The following SYT16 variants were observed in gnomAD, a reference collection of about 807,000 sequenced individuals.
SYT16 encodes synaptotagmin 16, also known as synaptotagmin-16.
Under a neutral mutation model 61.4 loss-of-function variants are expected in SYT16, and 42 were observed. The observed-to-expected ratio is 0.68, with a 90% CI of 0.53 to 0.89. SYT16 has a LOEUF of 0.89. SYT16 is among the 40% of genes least tolerant of loss of function. The probability of loss-of-function intolerance (pLI) is 0.00; values close to 1 mark genes in which losing one functional copy is unlikely to be tolerated. For missense variants in SYT16, 804 were observed against 807.3 expected (o/e 1.00, Z 0.05); for synonymous variants, 314 against 302.3 (o/e 1.04, Z -0.40).
At chr14:61,973,499 T>C (rs2051651987) in intron 2 of SYT16, among the ~76,000 whole-genome samples, 1 of 152,094 alleles carries the variant, frequency 6.6e-6, no homozygotes, top group African/African-American at 2.4e-5. Flanking sequence ...TGGGGAAGGA[T>C]GGATATCAGT....
chr14:61,888,243 G>A (rs907715891), intron 1 of SYT16, among the ~76,000 whole-genome samples: 11 of 150,694 alleles, frequency 7.3e-5, no homozygotes, highest in African/African-American at 2.0e-4. Context: ...TCAGCCTCCC[G>A]AGTAGCTGGG....
intron 1 of SYT16, among the ~76,000 whole-genome samples, chr14:61,883,539 T>A (rs144832314): frequency 1.3e-5 from 2 of 152,210 alleles, no homozygotes; most frequent in East Asian, 3.8e-4. Context: ...CATATCACTA[T>A]CAGCATTTTG....
chr14:62,028,655 G>A (rs982508873), intron 3 of SYT16, among the ~76,000 whole-genome samples: 1 of 152,106 alleles, frequency 6.6e-6, no homozygotes, highest in Non-Finnish European at 1.5e-5. Flanking sequence ...GCTAATTAAG[G>A]AGAACAGGTT....
intron 1 of SYT16, among the ~76,000 whole-genome samples, chr14:61,948,134 C>T (rs573442121): frequency 3.5e-4 from 54 of 152,202 alleles, no homozygotes; most frequent in African/African-American, 1.2e-3. Flanking sequence ...GCCCTAGAAG[C>T]TTTTAGGTAT....
At chr14:62,089,846 C>G (rs990314601) in intron 7 of SYT16, among the ~76,000 whole-genome samples, 3 of 152,226 alleles carry the variant, frequency 2.0e-5, no homozygotes, top group African/African-American at 2.4e-5. Flanking sequence ...TAGCAGACAT[C>G]TGAAATCCTG....
rs1418337767 is a variant in SYT16 at position 62,081,106 on chromosome 14, G to C, written c.1266G>C (p.Lys422Asn). Residue 422 changes from lysine to asparagine, a missense_variant, in exon 6 of 8, where the codon AAG becomes AAC. By Grantham distance (94) the Lys-to-Asn change is moderately conservative. Transcript: ENST00000683842. ...TCAGGGAGAAGGTCACCTTTGCCAAGCTGGAGCCCAGAGATGTGGCTGCCT... is the reference window on the plus strand; with the variant it reads ...TCAGGGAGAAGGTCACCTTTGCCAACCTGGAGCCCAGAGATGTGGCTGCCT... ...PVFREKVTFAKLEPRDVAACA... is the reference protein window; with the variant it reads ...PVFREKVTFANLEPRDVAACA... The C allele has an allele frequency of 6.2e-7, 1 of 1,613,938 alleles. No individual in the cohort carries two copies. The highest frequency in any genetic ancestry group is 8.5e-7 in the Non-Finnish European group (1 of 1,179,866).
At chr14:61,991,784 G>A (rs566437372) in intron 2 of SYT16, among the ~76,000 whole-genome samples, 5 of 152,224 alleles carry the variant, frequency 3.3e-5, no homozygotes, top group East Asian at 3.9e-4. Context: ...GGTTGTATCC[G>A]TCCTCAATAT....
chr14:61,905,876 GCCAC>G (rs2048690431), intron 1 of SYT16, among the ~76,000 whole-genome samples: 2 of 151,710 alleles, frequency 1.3e-5, no homozygotes, highest in Admixed American at 1.3e-4. Context: ...TCCTGTATCA[GCCAC>G]CCAAGTGGCT....
At chr14:62,080,352 A>G (rs183724492) in intron 5 of SYT16, among the ~76,000 whole-genome samples, 1 of 152,340 alleles carries the variant, frequency 6.6e-6, no homozygotes, top group Non-Finnish European at 1.5e-5. Flanking sequence ...TAGATTGAAA[A>G]TATACTGAAG....
At chr14:61,946,803 G>A (rs2050456011) in intron 1 of SYT16, among the ~76,000 whole-genome samples, 1 of 152,154 alleles carries the variant, frequency 6.6e-6, no homozygotes, top group Admixed American at 6.5e-5. Context: ...CATATGTTTT[G>A]AGAAATGGTT....
intron 3 of SYT16, among the ~76,000 whole-genome samples, chr14:62,013,266 G>A (rs958599100): frequency 1.3e-5 from 2 of 152,186 alleles, no homozygotes; most frequent in African/African-American, 4.8e-5. Flanking sequence ...CAAGCCACAT[G>A]TATCTGACTC....
chr14:62,071,309 C>A (rs2056290320), intron 4 of SYT16, among the ~76,000 whole-genome samples: 1 of 152,148 alleles, frequency 6.6e-6, no homozygotes, highest in Admixed American at 6.5e-5. Context: ...AGCTAATGGC[C>A]CCATTTCCCA....
At chr14:62,009,097 C>T (rs2353771) in intron 3 of SYT16, among the ~76,000 whole-genome samples, 86,732 of 151,894 alleles carry the variant, frequency 0.57, 25,951 homozygotes, top group African/African-American at 0.75. Context: ...TTGGCTTCTT[C>T]TCTCTGTCAC....
At chr14:61,820,790 G>T (rs944042378) in intron 1 of SYT16, among the ~76,000 whole-genome samples, 7 of 152,122 alleles carry the variant, frequency 4.6e-5, no homozygotes, top group African/African-American at 1.4e-4. Flanking sequence ...CCCCTTCAAT[G>T]ATGTTGATAA....
chr14:62,107,037 T>C lies in SYT16; in HGVS notation c.*6330T>C, dbSNP rs536958597. The C allele has an allele frequency of 2.6e-5, 4 of 151,990 alleles. No homozygotes were observed. Among genetic ancestry groups the C allele is most frequent in the South Asian group, 4.2e-4 (2 of 4,796 alleles). 9.4% of individuals were successfully genotyped at this position (151,990 alleles called of 1,614,324 possible). A position where few individuals can be genotyped will look rare whatever the true frequency, so the allele number is the denominator to read the frequency against. ...GATGATGAGAAGGCTGACTTCCTAT[T>C]GTATTGCCATATTTATGCATTATTT... is the stretch of plus-strand genomic sequence containing the variant. On this transcript the variant is annotated 3_prime_UTR_variant, in exon 8 of 8. Coordinates refer to ENST00000683842, the MANE Select transcript of SYT16 (RefSeq NM_001367656.1).
At chr14:61,836,226 G>A (rs1474721588) in intron 1 of SYT16, among the ~76,000 whole-genome samples, 1 of 152,168 alleles carries the variant, frequency 6.6e-6, no homozygotes, top group Admixed American at 6.5e-5. Context: ...ATTCCTGGGG[G>A]TTGATTTCTC....
At chr14:62,077,795 T>C (rs971968364) in intron 5 of SYT16, 11 of 152,218 alleles carry the variant, frequency 7.2e-5, no homozygotes, top group Admixed American at 5.2e-4. Flanking sequence ...ACAGCTTGAA[T>C]TGGCCTATCC....
At chr14:61,828,239 A>G (rs2045833601) in intron 1 of SYT16, among the ~76,000 whole-genome samples, 1 of 152,236 alleles carries the variant, frequency 6.6e-6, no homozygotes, top group African/African-American at 2.4e-5. Flanking sequence ...AGTTTGTGGT[A>G]CTTTGTTATG....
rs1281623451 is a variant in SYT16, at chr14:62,081,131, T to G, written c.1291T>G (p.Cys431Gly). ...GCTGGAGCCCAGAGATGTGGCTGCC[T>G]GTGCTGTCCGCTTCCGCCTGTACGC... ...AKLEPRDVAA[C>G]AVRFRLYAAR... Residue 431 changes from cysteine to glycine, a missense_variant, in exon 6 of 8, where the codon TGT (cysteine) becomes GGT (glycine). Transcript: ENST00000683842. The G allele has an allele frequency of 6.2e-7, 1 of 1,613,938 alleles. No individual in the cohort carries two copies. Among genetic ancestry groups the G allele is most frequent in the South Asian group, 1.1e-5 (1 of 91,060 alleles).
Sources: gnomAD v4.1 joint callset for allele counts (sites outside exome capture counted in the v4.1 genomes callset) on GRCh38, gnomAD v4.1.1 for gene constraint, MANE v1.5 for transcripts, NCBI Gene and HGNC (gene_info 2026-07-23, HGNC 2026-07-21) for gene names.